The following PRIM2 variants were observed in gnomAD, a reference collection of about 807,000 sequenced individuals.
PRIM2 encodes DNA primase large subunit.
In PRIM2, 39 loss-of-function variants were observed where a neutral mutation model predicts 67.3. That is an observed-to-expected ratio of 0.58 (90% CI 0.45 to 0.76). The LOEUF (loss-of-function observed/expected upper bound fraction) is 0.76, where lower values mean the gene tolerates loss of function less well. Ranked by LOEUF, PRIM2 falls within the 30% of genes least tolerant of loss-of-function variation. The pLI, the probability that PRIM2 is intolerant of heterozygous loss-of-function variation, is 0.00. For synonymous variants in PRIM2, 143 were observed against 198.7 expected (o/e 0.72, Z 2.36); for missense variants, 398 against 598.7 (o/e 0.66, Z 3.50).
chr6:57,640,470 T>G (rs1777210962), intron 13 of PRIM2, among the ~76,000 whole-genome samples: 1 of 152,160 alleles, frequency 6.6e-6, no homozygotes, highest in Non-Finnish European at 1.5e-5. Flanking sequence ...GATGACATGA[T>G]TTTACATTTA....
intron 7 of PRIM2, among the ~76,000 whole-genome samples, chr6:57,454,997 A>C (rs200891528): frequency 2.0e-5 from 3 of 151,756 alleles, no homozygotes; most frequent in Admixed American, 2.0e-4. Context: ...CTTTGTTCTC[A>C]TTGGTTTCAA....
intron 10 of PRIM2, among the ~76,000 whole-genome samples, chr6:57,560,598 A>G (rs1422721538): frequency 6.7e-6 from 1 of 150,044 alleles, no homozygotes; most frequent in Non-Finnish European, 1.5e-5. Context: ...TTTTTAAAAT[A>G]ATAAGACTTG....
At chr6:57,473,831 C>G (rs1176020283) in intron 7 of PRIM2, among the ~76,000 whole-genome samples, 1 of 152,138 alleles carries the variant, frequency 6.6e-6, no homozygotes, top group Non-Finnish European at 1.5e-5. Flanking sequence ...AGTCTAAGGT[C>G]TCTTTGCTAA....
intron 5 of PRIM2, among the ~76,000 whole-genome samples, chr6:57,335,481 A>G (rs1281375699): frequency 1.3e-5 from 2 of 152,160 alleles, no homozygotes; most frequent in Non-Finnish European, 2.9e-5. Context: ...CTTTGAAGAG[A>G]GCAGTGGTTC....
intron 5 of PRIM2, among the ~76,000 whole-genome samples, chr6:57,335,290 C>T (rs1336509354): frequency 0.051 from 4,138 of 80,972 alleles, no homozygotes; most frequent in African/African-American, 0.062. Context: ...GGGGGAGGGG[C>T]GCCCGCCATT....
At chr6:57,307,470 C>T in the PRIM2 span, among the ~76,000 whole-genome samples, 1 of 152,084 alleles carries the variant, frequency 6.6e-6, no homozygotes, top group South Asian at 2.1e-4. Context: ...CTCGATCTGA[C>T]CTCATGATCC....
chr6:57,289,054 C>T, the PRIM2 span, among the ~76,000 whole-genome samples: 2 of 151,844 alleles, frequency 1.3e-5, no homozygotes, highest in Non-Finnish European at 2.9e-5. Flanking sequence ...CTAAAAACCT[C>T]GAAAAAAGGT....
chr6:57,359,520 T>A (rs918316013), intron 5 of PRIM2, among the ~76,000 whole-genome samples: 1 of 152,184 alleles, frequency 6.6e-6, no homozygotes, highest in Non-Finnish European at 1.5e-5. Flanking sequence ...TACCTGACCA[T>A]CAGAATTGAG....
chr6:57,419,702 G>A (rs1300088740), intron 7 of PRIM2, among the ~76,000 whole-genome samples: 1 of 151,952 alleles, frequency 6.6e-6, no homozygotes, highest in African/African-American at 2.4e-5. Flanking sequence ...AGGAGGGAGG[G>A]GTAGTATGTA....
intron 7 of PRIM2, among the ~76,000 whole-genome samples, chr6:57,444,673 G>T (rs1161002202): frequency 6.6e-6 from 1 of 152,112 alleles, no homozygotes; most frequent in African/African-American, 2.4e-5. Flanking sequence ...ATAGATACAT[G>T]TTTGTTTTAC....
intron 7 of PRIM2, among the ~76,000 whole-genome samples, chr6:57,421,139 G>A (rs1743192734): frequency 6.6e-6 from 1 of 152,182 alleles, no homozygotes; most frequent in Non-Finnish European, 1.5e-5. Context: ...TCAGGAGTAT[G>A]AAGACTGAGA....
the PRIM2 span, among the ~76,000 whole-genome samples, chr6:57,240,098 T>TTTTTG: frequency 2.1e-3 from 158 of 75,876 alleles, no homozygotes; most frequent in African/African-American, 5.9e-3. Flanking sequence ...TCTGTTTTTT[T>TTTTTG]TTTTTTTTTT....
chr6:57,324,281 G>A lies in PRIM2; in HGVS notation c.338+1G>A, dbSNP rs909786755. 7.7e-6 allele frequency: 12 copies of A among 1,563,372 alleles called. No individual in the cohort carries two copies. Among genetic ancestry groups the A allele is most frequent in the African/African-American group, 1.4e-5 (1 of 74,034 alleles). ...TTTTGCGGCTTGCTTATTGCCAGTC[G>A]TAAGTATATGTTTATATTCTCACAG... is the stretch of plus-strand genomic sequence containing the variant. On this transcript the variant is annotated splice_donor_variant, in intron 4 of 13. Transcript: ENST00000615550. LOFTEE classifies it high-confidence loss of function.
At chr6:57,631,974 T>C (rs1777043195) in intron 12 of PRIM2, among the ~76,000 whole-genome samples, 159 bp from the exon 13 acceptor site, 1 of 152,272 alleles carries the variant, frequency 6.6e-6, no homozygotes, top group African/African-American at 2.4e-5. Flanking sequence ...GTCAGAATTA[T>C]CACAGTGTCC....
intron 7 of PRIM2, among the ~76,000 whole-genome samples, chr6:57,439,799 T>C (rs1253285652): frequency 6.6e-6 from 1 of 152,186 alleles, no homozygotes; most frequent in Non-Finnish European, 1.5e-5. Flanking sequence ...TGCCCAAATT[T>C]TAATTTTCAT....
intron 7 of PRIM2, among the ~76,000 whole-genome samples, chr6:57,447,468 G>A (rs564974061): frequency 1.1e-3 from 173 of 152,310 alleles, no homozygotes; most frequent in Admixed American, 2.7e-3. Context: ...TCCTGAAGAC[G>A]AGCCAAATAT....
At chr6:57,579,192 T>G (rs1411739924) in intron 10 of PRIM2, among the ~76,000 whole-genome samples, 1 of 151,688 alleles carries the variant, frequency 6.6e-6, no homozygotes, top group African/African-American at 2.4e-5. Flanking sequence ...TCTCTTGATC[T>G]CCTTCAGAGG....
chr6:57,510,371 G>A (rs1283561373), intron 8 of PRIM2, among the ~76,000 whole-genome samples: 1 of 151,982 alleles, frequency 6.6e-6, no homozygotes, highest in Non-Finnish European at 1.5e-5. Flanking sequence ...TGGTTCAAAA[G>A]GTAAAAACCT....
chr6:57,646,293 C>G lies in PRIM2; in HGVS notation c.*135C>G. 3 of 634,698 alleles carry G rather than the reference C, an allele frequency of 4.7e-6. No individual in the cohort carries two copies. The highest frequency in any genetic ancestry group is 8.3e-6 in the Non-Finnish European group (3 of 363,524). 39.3% of individuals were successfully genotyped at this position (634,698 alleles called of 1,614,324 possible). Reference sequence around the variant, plus strand: ...AATTACAGCTGATTGCAGCCTTGACCTTCCCAGCTCAAGTGATCCTCCTAC... The same window carrying G: ...AATTACAGCTGATTGCAGCCTTGACGTTCCCAGCTCAAGTGATCCTCCTAC... On this transcript the variant is annotated 3_prime_UTR_variant, in exon 14 of 14. Transcript: ENST00000615550.
Sources: allele counts gnomAD v4.1 joint callset (sites outside exome capture counted in the v4.1 genomes callset), GRCh38; gene constraint gnomAD v4.1.1; transcripts MANE v1.5; gene names NCBI Gene and HGNC (gene_info 2026-07-23, HGNC 2026-07-21).